STX8: variants seen among roughly 807,000 people sequenced by gnomAD.
The protein encoded by STX8 is syntaxin-8.
STX8 carries 23 observed loss-of-function variants against 37.5 expected under a neutral mutation model. That is an observed-to-expected ratio of 0.61 (90% CI 0.44 to 0.87). STX8 has a LOEUF of 0.87. Ranked by LOEUF, STX8 falls within the 40% of genes least tolerant of loss-of-function variation. The pLI is 0.00. For synonymous variants in STX8, 115 were observed against 99.1 expected (o/e 1.16, Z -0.95); for missense variants, 313 against 284.7 (o/e 1.10, Z -0.71).
intron 4 of STX8, among the ~76,000 whole-genome samples, chr17:9,542,652 G>A (rs1370352585): frequency 6.6e-6 from 1 of 151,930 alleles, no homozygotes; most frequent in Non-Finnish European, 1.5e-5. Flanking sequence ...ACTCCAGCCT[G>A]GGCGACAGAG....
intron 7 of STX8, among the ~76,000 whole-genome samples, chr17:9,267,519 G>A (rs916764022): frequency 1.3e-5 from 2 of 152,174 alleles, no homozygotes; most frequent in Admixed American, 6.5e-5. Flanking sequence ...CCTCTGAGCT[G>A]AACGCAGCAG....
chr17:9,470,174 C>CTAG, intron 6 of STX8, among the ~76,000 whole-genome samples: 1 of 152,298 alleles, frequency 6.6e-6, no homozygotes, highest in South Asian at 2.1e-4. Flanking sequence ...TCAAAGATTT[C>CTAG]ACCCTCCTGG....
At chr17:9,530,204 G>A (rs1055616865) in intron 4 of STX8, among the ~76,000 whole-genome samples, 1 of 151,690 alleles carries the variant, frequency 6.6e-6, no homozygotes, top group Non-Finnish European at 1.5e-5. Flanking sequence ...CCAGCAACTC[G>A]GGAGGCTGAG....
At chr17:9,324,113 C>CTG (rs1909670388) in intron 7 of STX8, among the ~76,000 whole-genome samples, 2 of 131,432 alleles carry the variant, frequency 1.5e-5, no homozygotes, top group Non-Finnish European at 3.2e-5. Context: ...CTCTCTGTCT[C>CTG]TCTCTCTCTC....
Position 9,544,789 on chromosome 17 carries a change from G to C in STX8, c.323+383C>G, listed in dbSNP as rs985640680. Among the ~76,000 whole-genome samples, 3 of 152,220 alleles carry C rather than the reference G, an allele frequency of 2.0e-5. 1 individual carries two copies. In the Middle Eastern group the frequency reaches 0.01, roughly 518 times the overall value. On this transcript the variant is annotated intron_variant, in intron 4 of 7. Transcript: ENST00000306357. ...GGGCGGATCACGAGGTCAGGAGATC[G>C]AGACCATCCTGACTAATACGGTGAA...
At chr17:9,560,116 G>A (rs113687006) in intron 2 of STX8, among the ~76,000 whole-genome samples, 1,562 of 151,062 alleles carry the variant, frequency 0.01, 24 homozygotes, top group African/African-American at 0.036. Context: ...AAAAACAGTA[G>A]AGGCCAGGTG....
intron 6 of STX8, among the ~76,000 whole-genome samples, chr17:9,399,430 G>T (rs569924727): frequency 1.3e-5 from 2 of 152,202 alleles, no homozygotes; most frequent in Non-Finnish European, 2.9e-5. Context: ...GAGTGGCAAA[G>T]CTGGGTCTGT....
chr17:9,395,803 G>C (rs1912380775), intron 6 of STX8, among the ~76,000 whole-genome samples: 1 of 152,122 alleles, frequency 6.6e-6, no homozygotes, highest in African/African-American at 2.4e-5. Flanking sequence ...ATTATACCCA[G>C]AAGTTCAAAT....
chr17:9,518,731 A>T (rs1439467551), intron 4 of STX8, among the ~76,000 whole-genome samples: 1 of 151,942 alleles, frequency 6.6e-6, no homozygotes, highest in Non-Finnish European at 1.5e-5. Flanking sequence ...AGCTGGGCGT[A>T]GTGGTGGGCG....
intron 6 of STX8, among the ~76,000 whole-genome samples, chr17:9,430,365 G>A (rs1913913080): frequency 1.3e-5 from 2 of 149,794 alleles, no homozygotes; most frequent in Non-Finnish European, 3.0e-5. Context: ...TAACCATTAT[G>A]TAATAATTCC....
intron 6 of STX8, among the ~76,000 whole-genome samples, chr17:9,426,521 C>T (rs1479263926): frequency 1.3e-5 from 2 of 151,726 alleles, no homozygotes; most frequent in Non-Finnish European, 2.9e-5. Context: ...AGCAAAACTC[C>T]ATCTTGAAAA....
chr17:9,391,710 AAGAG>A (rs1247371565), intron 6 of STX8, among the ~76,000 whole-genome samples: 28 of 151,796 alleles, frequency 1.8e-4, no homozygotes, highest in South Asian at 1.7e-3. Context: ...GTTACAGAAA[AAGAG>A]AGAGAGAAAA....
At chr17:9,480,953 C>T (rs545361305) in intron 6 of STX8, among the ~76,000 whole-genome samples, 1 of 151,320 alleles carries the variant, frequency 6.6e-6, no homozygotes, top group Non-Finnish European at 1.5e-5. Flanking sequence ...GGCATGATCT[C>T]AGCTCACTGC....
intron 7 of STX8, among the ~76,000 whole-genome samples, chr17:9,366,715 C>T (rs1911241802): frequency 6.6e-6 from 1 of 152,096 alleles, no homozygotes; most frequent in African/African-American, 2.4e-5. Context: ...TCACAGTGTC[C>T]CCTGCACCAC....
intron 7 of STX8, among the ~76,000 whole-genome samples, chr17:9,290,317 G>GTGCCTTAA (rs36008684): frequency 9.0e-5 from 3 of 33,506 alleles, no homozygotes; most frequent in Non-Finnish European, 2.0e-4. Context: ...GCATGCCACT[G>GTGCCTTAA]TGTGTGGATT....
At chr17:9,524,596 G>A (rs1905485848) in intron 4 of STX8, among the ~76,000 whole-genome samples, 1 of 152,110 alleles carries the variant, frequency 6.6e-6, no homozygotes, top group African/African-American at 2.4e-5. Flanking sequence ...TTCAGACCAT[G>A]GCAAAGGGTG....
chr17:9,468,929 C>G lies in STX8; in HGVS notation c.541+22900G>C, dbSNP rs369408443. On this transcript the variant is annotated intron_variant, in intron 6 of 7. Coordinates refer to ENST00000306357, the MANE Select transcript of STX8 (RefSeq NM_004853.3). ...GTTGATCCCATCAGTGCTCCTCATA[C>G]GCATCCCGCATACAAAAGCCCCTCC... Among the ~76,000 whole-genome samples, 217 of 152,320 alleles carry G rather than the reference C, an allele frequency of 1.4e-3. 3 individuals carry two copies. Among genetic ancestry groups the G allele is most frequent in the African/African-American group, 5.0e-3 (206 of 41,576 alleles).
chr17:9,547,074 C>T (rs1906557077), intron 3 of STX8, among the ~76,000 whole-genome samples: 1 of 151,060 alleles, frequency 6.6e-6, no homozygotes, highest in Non-Finnish European at 1.5e-5. Context: ...ACGGTAAAAC[C>T]CCGTCTCTAC....
chr17:9,433,861 A>T (rs1371499520), intron 6 of STX8, among the ~76,000 whole-genome samples: 1 of 152,170 alleles, frequency 6.6e-6, no homozygotes, highest in East Asian at 1.9e-4. Flanking sequence ...TGTGTCTTTT[A>T]GGTAAGAAAG....
Sources: gnomAD v4.1 joint callset for allele counts (sites outside exome capture counted in the v4.1 genomes callset) on GRCh38, gnomAD v4.1.1 for gene constraint, MANE v1.5 for transcripts, NCBI Gene and HGNC (gene_info 2026-07-23, HGNC 2026-07-21) for gene names.